The following POM121 variants were observed in gnomAD, a reference collection of about 807,000 sequenced individuals.
The protein encoded by POM121 is nuclear envelope pore membrane protein POM 121.
Under a neutral mutation model 81.3 loss-of-function variants are expected in POM121, and 32 were observed. The ratio of observed to expected loss-of-function variants is 0.39; its 90% CI spans 0.30 to 0.53. The LOEUF is 0.53. Ranked by LOEUF, POM121 falls within the 20% of genes least tolerant of loss-of-function variation. The pLI is 0.66. For synonymous variants in POM121, 514 were observed against 694.2 expected (o/e 0.74, Z 4.08); for missense variants, 1,138 against 1,614.6 (o/e 0.70, Z 5.06).
rs782771242 is a variant in POM121, at chr7:72,943,139, C to G, written c.3146C>G (p.Ala1049Gly). 6.2e-7 allele frequency: 1 copy of G among 1,613,182 alleles called. No individual in the cohort carries two copies. ...AAAGCCACGGCTTCGGCCTTCGGCG[C>G]TCCCGCCAGCTCACAGCCCGCCTTT... The part of the protein sequence containing the change: ...GLKATASAFG[A>G]PASSQPAFGG... The change falls in exon 11 of 13, where the codon GCT (alanine) becomes GGT (glycine). Residue 1049 changes from alanine to glycine, a missense_variant. By Grantham distance (60) the Ala-to-Gly change is moderately conservative. Transcript: ENST00000434423.
chr7:72,930,492 G>C (rs1795907677), intron 5 of POM121, among the ~76,000 whole-genome samples: 1 of 152,224 alleles, frequency 6.6e-6, no homozygotes, highest in African/African-American at 2.4e-5. Context: ...ATTCGAGACA[G>C]AGCTGTGTTG....
chr7:72,926,032 T>A (rs1174481209), intron 1 of POM121, among the ~76,000 whole-genome samples: 1 of 152,126 alleles, frequency 6.6e-6, no homozygotes, highest in Non-Finnish European at 1.5e-5. Flanking sequence ...AGATTTAGAT[T>A]TTCCCTCTCA....
chr7:72,943,927 C>T (rs1242178814), intron 11 of POM121, among the ~76,000 whole-genome samples: 7 of 152,160 alleles, frequency 4.6e-5, no homozygotes, highest in African/African-American at 1.7e-4. Context: ...GTAATCCCAG[C>T]TACTCAGGAG....
At chr7:72,891,456 G>A (rs11773544) in intron 3 of POM121, among the ~76,000 whole-genome samples, 1 of 152,044 alleles carries the variant, frequency 6.6e-6, no homozygotes, top group Non-Finnish European at 1.5e-5. Context: ...ACCCAGGCTG[G>A]TGTGCACTGG....
intron 4 of POM121, among the ~76,000 whole-genome samples, chr7:72,915,695 C>T (rs141760678): frequency 2.8e-4 from 42 of 151,960 alleles, no homozygotes; most frequent in Non-Finnish European, 5.3e-4. Flanking sequence ...TGTTTTGAGA[C>T]AGAGTCTCAC....
chr7:72,924,938 C>G, upstream of POM121: 1 of 1,115,606 alleles, frequency 9.0e-7, no homozygotes, highest in Admixed American at 4.2e-5. Flanking sequence ...CGCGGAAAAC[C>G]TCAAGAGTCA....
intron 5 of POM121, among the ~76,000 whole-genome samples, chr7:72,935,454 C>T (rs2463267): frequency 2.6e-5 from 4 of 152,206 alleles, no homozygotes; most frequent in Non-Finnish European, 2.9e-5. Flanking sequence ...GGATTGTAGG[C>T]GTGAGCCACC....
intron 5 of POM121, among the ~76,000 whole-genome samples, chr7:72,931,536 C>T (rs1282942234): frequency 6.7e-6 from 1 of 149,514 alleles, no homozygotes; most frequent in Non-Finnish European, 1.5e-5. Flanking sequence ...CCAAAAATGT[C>T]GGTTTATAAT....
chr7:72,930,553 A>G (rs1377540234), intron 5 of POM121, among the ~76,000 whole-genome samples: 7 of 152,180 alleles, frequency 4.6e-5, no homozygotes, highest in African/African-American at 4.8e-5. Flanking sequence ...TCCAGCTTGT[A>G]TTGGGTCGTA....
chr7:72,948,611 G>A (rs1380400231), downstream of POM121: 1 of 1,605,534 alleles, frequency 6.2e-7, no homozygotes, highest in Non-Finnish European at 8.5e-7. Context: ...GAGAAATGTA[G>A]ATGTTAGATG....
chr7:72,923,282 A>G (rs140789807), upstream of POM121, among the ~76,000 whole-genome samples: 61 of 151,834 alleles, frequency 4.0e-4, no homozygotes, highest in South Asian at 1.5e-3. Flanking sequence ...CAACTTTTCT[A>G]TCCCCCTAAA....
chr7:72,925,670 C>T lies in POM121; in HGVS notation c.549C>T (p.Arg183=). The part of the protein sequence containing the change: ...RSPPPRSPPP[R]SPPPSPPTHR... ...CACCGCCGCGCTCCCCACCGCCGCG[C>T]TCCCCCCCGCCCTCCCCGCCGACCC... Residue 183 remains arginine (R), a synonymous_variant, in exon 1 of 13, where the codon CGC becomes CGT. Coordinates refer to ENST00000434423, the MANE Select transcript of POM121 (RefSeq NM_001387691.1). The T allele has an allele frequency of 1.7e-6, 2 of 1,196,358 alleles. No homozygotes were observed. The highest frequency in any genetic ancestry group is 1.0e-6 in the Non-Finnish European group (1 of 971,780). The allele number at this position is 1,196,358 out of a possible 1,614,324, so 74.1% of individuals were successfully genotyped here.
chr7:72,902,809 C>T (rs191610028), intron 3 of POM121, among the ~76,000 whole-genome samples: 1 of 152,330 alleles, frequency 6.6e-6, no homozygotes, highest in Non-Finnish European at 1.5e-5. Context: ...GAATTACAGG[C>T]ATGAGCCACT....
At chr7:72,938,494 GA>G in intron 5 of POM121, 95 bp from the exon 6 acceptor site, 1 of 1,374,948 alleles carries the variant, frequency 7.3e-7, no homozygotes, top group Non-Finnish European at 1.0e-6. Context: ...TAACCATAAA[GA>G]ATGTTTTTTT....
intron 3 of POM121, among the ~76,000 whole-genome samples, chr7:72,912,360 T>G (rs1207921584): frequency 6.6e-6 from 1 of 151,902 alleles, no homozygotes; most frequent in East Asian, 1.9e-4. Flanking sequence ...TGCAGTAAAC[T>G]GATAGGAATG....
chr7:72,891,190 T>G, intron 3 of POM121: 2 of 597,160 alleles, frequency 3.3e-6, no homozygotes, highest in Non-Finnish European at 6.1e-6. Context: ...TTATATGTAT[T>G]CGGTACCCTC....
chr7:72,945,013 CAG>C (rs200920736), intron 11 of POM121, among the ~76,000 whole-genome samples: 69,683 of 150,424 alleles, frequency 0.46, 16,291 homozygotes, highest in South Asian at 0.57. Context: ...GGAAGAGAAA[CAG>C]TGTGGAAGCA....
chr7:72,900,019 C>T (rs1434099349), intron 3 of POM121, among the ~76,000 whole-genome samples: 2 of 152,196 alleles, frequency 1.3e-5, no homozygotes, highest in African/African-American at 2.4e-5. Flanking sequence ...GAGCTTTTGG[C>T]ATTTTCAGAA....
chr7:72,931,431 G>A (rs557161175), intron 5 of POM121, among the ~76,000 whole-genome samples: 1 of 152,212 alleles, frequency 6.6e-6, no homozygotes, highest in South Asian at 2.1e-4. Context: ...CCTCTAGAAA[G>A]GGGAATATAA....
Sources: allele counts gnomAD v4.1 joint callset (sites outside exome capture counted in the v4.1 genomes callset), GRCh38; gene constraint gnomAD v4.1.1; transcripts MANE v1.5; gene names NCBI Gene and HGNC (gene_info 2026-07-23, HGNC 2026-07-21).